ME1: variants seen among roughly 807,000 people sequenced by gnomAD.
The protein encoded by ME1 is malic enzyme 1.
In ME1, 74 loss-of-function variants were observed where a neutral mutation model predicts 66.4. That is an observed-to-expected ratio of 1.11 (90% CI 0.92 to 1.35). The LOEUF is 1.35. Among genes scored for constraint, ME1 ranks in the 40% most tolerant of loss-of-function variants. The pLI, the probability that ME1 is intolerant of heterozygous loss-of-function variation, is 0.00. For synonymous variants in ME1, 251 were observed against 235.6 expected (o/e 1.07, Z -0.60); for missense variants, 750 against 694.1 (o/e 1.08, Z -0.90).
intron 7 of ME1, among the ~76,000 whole-genome samples, chr6:83,240,280 C>T (rs981251119): frequency 2.6e-5 from 4 of 151,964 alleles, no homozygotes; most frequent in African/African-American, 9.7e-5. Flanking sequence ...ATTTTTGATA[C>T]ATTTGGAATT....
At chr6:83,237,619 T>G in intron 9 of ME1, 98 bp downstream of exon 9, 1 of 592,726 alleles carries the variant, frequency 1.7e-6, no homozygotes, top group Non-Finnish European at 3.0e-6. Flanking sequence ...TCTTTTAATA[T>G]AGTGTAAAGG....
chr6:83,395,669 T>C (rs1769717314), intron 3 of ME1, among the ~76,000 whole-genome samples: 2 of 151,238 alleles, frequency 1.3e-5, no homozygotes, highest in African/African-American at 4.9e-5. Context: ...AGAGATGGGG[T>C]TTCACCATGT....
chr6:83,378,160 T>A (rs1356641516), intron 3 of ME1, among the ~76,000 whole-genome samples: 1 of 151,332 alleles, frequency 6.6e-6, no homozygotes, highest in African/African-American at 2.4e-5. Context: ...AAATGTGTGT[T>A]TGCAAGACTC....
chr6:83,266,140 G>T (rs1766986109), intron 6 of ME1, among the ~76,000 whole-genome samples: 1 of 152,068 alleles, frequency 6.6e-6, no homozygotes, highest in Non-Finnish European at 1.5e-5. Flanking sequence ...CTTAGAAAAA[G>T]ATAACAATCA....
intron 3 of ME1, among the ~76,000 whole-genome samples, chr6:83,390,000 C>T (rs779638465): frequency 4.1e-4 from 63 of 152,004 alleles, no homozygotes; most frequent in Middle Eastern, 3.2e-3. Flanking sequence ...CATAAAGTAT[C>T]TATGCCAAAA....
At chr6:83,254,092 C>T (rs1247806121) in intron 6 of ME1, among the ~76,000 whole-genome samples, 1 of 152,024 alleles carries the variant, frequency 6.6e-6, no homozygotes, top group Admixed American at 6.6e-5. Flanking sequence ...TCACTTCTGG[C>T]TGTGATCAAA....
At position 83,321,853 on chromosome 6, in the gene ME1, C is replaced by T. The variant is rs567456904; in HGVS notation, c.601-6440G>A. 7.9e-4 allele frequency among the ~76,000 whole-genome samples: 121 copies of T among 152,322 alleles called. 4 individuals are homozygous for T. In the South Asian group the frequency reaches 0.013, roughly 17 times the overall value. ...GGTCCCTGATTCTTGTGCCTCCTGA[C>T]GGAGAGACACCTCCCAGCAAGGGTC... On this transcript the variant is annotated intron_variant, in intron 5 of 13. Transcript: ENST00000369705.
rs971026819 is a variant in ME1 at position 83,239,131 on chromosome 6, C to T, written c.912+408G>A. Among the ~76,000 whole-genome samples the T allele has an allele frequency of 7.9e-5, 12 of 151,930 alleles. No homozygotes were observed. The South Asian group carries it at 1.4e-3, about 18-fold the overall frequency. ...TTAAAAACACATATGTAGTTACATA[C>T]ATACACACTGAATTGTGAGTCAAAT... On this transcript the variant is annotated intron_variant, in intron 8 of 13. Coordinates refer to ENST00000369705, the MANE Select transcript of ME1 (RefSeq NM_002395.6).
rs1433203261 is a variant in ME1 at position 83,210,917 on chromosome 6, A to G, written c.*1007T>C. On this transcript the variant is annotated 3_prime_UTR_variant, in exon 14 of 14. Transcript: ENST00000369705. ...CATTTCTGATACTGGGAACTTAATT[A>G]TAATACTTTCTCCAAATTCAGGCAA... is the stretch of plus-strand genomic sequence containing the variant. The G allele has an allele frequency of 1.3e-5, 2 of 152,230 alleles. No individual in the cohort carries two copies. The highest frequency in any genetic ancestry group is 2.9e-5 in the Non-Finnish European group (2 of 68,034). The allele number at this position is 152,230 out of a possible 1,614,324, so 9.4% of individuals were successfully genotyped here.
chr6:83,290,972 T>C (rs1053091081), intron 6 of ME1, among the ~76,000 whole-genome samples: 3 of 152,186 alleles, frequency 2.0e-5, no homozygotes, highest in Non-Finnish European at 4.4e-5. Flanking sequence ...ATTTGCTTGA[T>C]AGATCTTCCT....
At chr6:83,285,609 C>G (rs944283279) in intron 6 of ME1, among the ~76,000 whole-genome samples, 1 of 152,056 alleles carries the variant, frequency 6.6e-6, no homozygotes, top group African/African-American at 2.4e-5. Context: ...TAAAGACTTG[C>G]AGAAGAGGAG....
intron 5 of ME1, among the ~76,000 whole-genome samples, chr6:83,345,166 A>G (rs926851364): frequency 1.3e-5 from 2 of 152,116 alleles, no homozygotes; most frequent in African/African-American, 4.8e-5. Context: ...CTCCTGGCTT[A>G]AAGAGGAAAT....
chr6:83,395,213 TAG>T (rs1769705472), intron 3 of ME1, among the ~76,000 whole-genome samples: 1 of 151,480 alleles, frequency 6.6e-6, no homozygotes, highest in Non-Finnish European at 1.5e-5. Context: ...TCAGCCTCCC[TAG>T]TAGCTGGGAT....
chr6:83,247,795 C>G (rs963950799), intron 7 of ME1, among the ~76,000 whole-genome samples: 4 of 152,148 alleles, frequency 2.6e-5, no homozygotes, highest in African/African-American at 9.7e-5. Flanking sequence ...TAGTCAGAAC[C>G]CCAATAACTT....
At chr6:83,330,098 G>A (rs1288306431) in intron 5 of ME1, among the ~76,000 whole-genome samples, 1 of 152,192 alleles carries the variant, frequency 6.6e-6, no homozygotes, top group Non-Finnish European at 1.5e-5. Context: ...GGGATTACAG[G>A]TGTGAGTCAC....
chr6:83,368,622 A>G (rs562372608), intron 3 of ME1, among the ~76,000 whole-genome samples: 4 of 152,346 alleles, frequency 2.6e-5, no homozygotes, highest in Non-Finnish European at 5.9e-5. Flanking sequence ...TTAAAATGCC[A>G]TATAACTACA....
intron 1 of ME1, among the ~76,000 whole-genome samples, chr6:83,409,325 A>G (rs1770003455): frequency 6.6e-6 from 1 of 152,224 alleles, no homozygotes; most frequent in Non-Finnish European, 1.5e-5. Flanking sequence ...GTGTTCATTA[A>G]CTTTGCACTG....
At chr6:83,345,155 T>A (rs1460772619) in intron 5 of ME1, among the ~76,000 whole-genome samples, 2 of 151,962 alleles carry the variant, frequency 1.3e-5, no homozygotes, top group African/African-American at 4.8e-5. Context: ...ACACACCACC[T>A]CTCCTGGCTT....
intron 6 of ME1, among the ~76,000 whole-genome samples, chr6:83,271,687 G>A (rs138903127): frequency 2.8e-4 from 42 of 151,996 alleles, no homozygotes; most frequent in African/African-American, 7.9e-4. Context: ...CAATAAAGGC[G>A]AATACAGATT....
Sources: allele counts gnomAD v4.1 joint callset (sites outside exome capture counted in the v4.1 genomes callset), GRCh38; gene constraint gnomAD v4.1.1; transcripts MANE v1.5; gene names NCBI Gene and HGNC (gene_info 2026-07-23, HGNC 2026-07-21).